The following ASIC2 variants were observed in gnomAD, a reference collection of about 807,000 sequenced individuals.
ASIC2 encodes acid sensing ion channel subunit 2.
ASIC2 carries 25 observed loss-of-function variants against 57.3 expected under a neutral mutation model. That is an observed-to-expected ratio of 0.44 (90% CI 0.32 to 0.61). The LOEUF is 0.61. Among genes scored for constraint, ASIC2 ranks in the 20% least tolerant of loss-of-function variants. ASIC2 has a pLI of 0.06. For missense variants in ASIC2, 641 were observed against 738.1 expected, an observed-to-expected ratio of 0.87 and a Z score of 1.52; for synonymous variants, 319 against 307.5, an observed-to-expected ratio of 1.04 and a Z score of -0.39.
chr17:33,174,069 G>C (rs1011725780), intron 1 of ASIC2, among the ~76,000 whole-genome samples: 5 of 152,172 alleles, frequency 3.3e-5, no homozygotes, highest in Admixed American at 1.3e-4. Context: ...CCAGGTGAAA[G>C]AATAGAGGCA....
intron 1 of ASIC2, among the ~76,000 whole-genome samples, chr17:34,014,684 C>A (rs944097662): frequency 1.3e-5 from 2 of 152,194 alleles, no homozygotes; most frequent in Non-Finnish European, 2.9e-5. Flanking sequence ...TGGTCCAGAC[C>A]TTGAGGCCCA....
chr17:33,720,855 C>A (rs1156830459), intron 1 of ASIC2, among the ~76,000 whole-genome samples: 1 of 152,140 alleles, frequency 6.6e-6, no homozygotes, highest in Admixed American at 6.5e-5. Context: ...CATCATACTG[C>A]AGAAAGGGAA....
At chr17:34,077,583 T>C (rs556782736) in intron 1 of ASIC2, among the ~76,000 whole-genome samples, 8 of 152,320 alleles carry the variant, frequency 5.3e-5, no homozygotes, top group Non-Finnish European at 7.4e-5. Flanking sequence ...TCAGAATTAA[T>C]GAAAGTCAGA....
At chr17:33,833,750 T>C (rs539565725) in intron 1 of ASIC2, among the ~76,000 whole-genome samples, 1 of 152,342 alleles carries the variant, frequency 6.6e-6, no homozygotes, top group East Asian at 1.9e-4. Context: ...ACAGACTTAT[T>C]GCTGGTTTAA....
intron 3 of ASIC2, among the ~76,000 whole-genome samples, chr17:33,079,708 G>C (rs1380605031): frequency 1.3e-5 from 2 of 152,164 alleles, no homozygotes; most frequent in Non-Finnish European, 2.9e-5. Context: ...GTAGTGTCTG[G>C]GGTGGGGGAT....
intron 1 of ASIC2, among the ~76,000 whole-genome samples, chr17:33,525,265 C>A (rs907707071): frequency 6.6e-6 from 1 of 152,164 alleles, no homozygotes; most frequent in Non-Finnish European, 1.5e-5. Context: ...CTGAGTAGGG[C>A]GGACACGAGA....
At chr17:33,400,341 A>C (rs1220699872) in intron 1 of ASIC2, among the ~76,000 whole-genome samples, 1 of 152,196 alleles carries the variant, frequency 6.6e-6, no homozygotes, top group African/African-American at 2.4e-5. Flanking sequence ...AATTTCAACA[A>C]TGTGGACTGT....
chr17:33,490,630 T>G (rs1036724742), intron 1 of ASIC2, among the ~76,000 whole-genome samples: 1 of 152,234 alleles, frequency 6.6e-6, no homozygotes, highest in Non-Finnish European at 1.5e-5. Context: ...CCATCTAAGA[T>G]GTGACTTTGC....
At chr17:33,795,238 A>G (rs1384185232) in intron 1 of ASIC2, among the ~76,000 whole-genome samples, 3 of 152,212 alleles carry the variant, frequency 2.0e-5, no homozygotes, top group East Asian at 1.9e-4. Context: ...GTTCTCACCA[A>G]CACTACTCAT....
intron 1 of ASIC2, among the ~76,000 whole-genome samples, chr17:33,579,158 C>T (rs1597794180): frequency 6.6e-6 from 1 of 151,966 alleles, no homozygotes; most frequent in South Asian, 2.1e-4. Flanking sequence ...TGATGGTGGG[C>T]GCCTGTAATC....
intron 1 of ASIC2, among the ~76,000 whole-genome samples, chr17:34,108,011 G>T (rs567336099): frequency 2.6e-3 from 392 of 152,192 alleles, no homozygotes; most frequent in African/African-American, 8.7e-3. Flanking sequence ...TGTTCTTTAT[G>T]TAATGATAAG....
At chr17:33,357,936 G>A (rs979364900) in intron 1 of ASIC2, among the ~76,000 whole-genome samples, 3 of 152,154 alleles carry the variant, frequency 2.0e-5, no homozygotes, top group African/African-American at 7.2e-5. Flanking sequence ...AGATGCCCAG[G>A]CTTCATCCCA....
At chr17:33,240,910 A>G (rs2142119218) in intron 1 of ASIC2, among the ~76,000 whole-genome samples, 1 of 152,334 alleles carries the variant, frequency 6.6e-6, no homozygotes, top group South Asian at 2.1e-4. Context: ...TGGCATGCCA[A>G]TATCTGGTGT....
intron 1 of ASIC2, among the ~76,000 whole-genome samples, chr17:33,728,835 C>T (rs1041045199): frequency 2.6e-5 from 4 of 152,084 alleles, no homozygotes; most frequent in Non-Finnish European, 5.9e-5. Flanking sequence ...CAACAGCATC[C>T]GTATCTACAG....
chr17:33,343,488 T>C (rs750163721), intron 1 of ASIC2, among the ~76,000 whole-genome samples: 31 of 152,308 alleles, frequency 2.0e-4, no homozygotes, highest in Admixed American at 3.9e-4. Flanking sequence ...ATTACTGGTT[T>C]TCGCATGTGT....
chr17:34,023,308 T>A (rs1363590400), intron 1 of ASIC2, among the ~76,000 whole-genome samples: 2 of 152,010 alleles, frequency 1.3e-5, no homozygotes, highest in Admixed American at 6.6e-5. Context: ...CTTGGCTCTT[T>A]AGGATACAAA....
chr17:33,811,765 G>A (rs569540924), intron 1 of ASIC2, among the ~76,000 whole-genome samples: 20 of 152,324 alleles, frequency 1.3e-4, no homozygotes, highest in African/African-American at 4.3e-4. Context: ...ACTTGCCTAA[G>A]GTTTCCCTGC....
intron 1 of ASIC2, among the ~76,000 whole-genome samples, chr17:33,436,129 C>T (rs950645631): frequency 2.0e-5 from 3 of 152,252 alleles, no homozygotes; most frequent in Admixed American, 6.5e-5. Context: ...TTCACTCATG[C>T]CTGGGCATAG....
intron 1 of ASIC2, among the ~76,000 whole-genome samples, chr17:33,427,183 C>T (rs9894566): frequency 0.35 from 52,875 of 151,790 alleles, 9,289 homozygotes; most frequent in Middle Eastern, 0.44. Context: ...GACCATCGCT[C>T]AATTTTAAAC....
Sources: allele counts gnomAD v4.1 joint callset (sites outside exome capture counted in the v4.1 genomes callset), GRCh38; gene constraint gnomAD v4.1.1; transcripts MANE v1.5; gene names NCBI Gene and HGNC (gene_info 2026-07-23, HGNC 2026-07-21).